HDLBP: variants seen among roughly 807,000 people sequenced by gnomAD.
The protein encoded by HDLBP is vigilin.
A neutral mutation model predicts 137.3 loss-of-function variants in HDLBP; 30 were observed. The ratio of observed to expected loss-of-function variants is 0.22; its 90% CI spans 0.16 to 0.30. The LOEUF (loss-of-function observed/expected upper bound fraction) is 0.30, where lower values mean the gene tolerates loss of function less well. HDLBP is among the 10% of genes least tolerant of loss of function. The pLI is 1.00. For synonymous variants in HDLBP, 606 were observed against 596.0 expected (o/e 1.02, Z -0.24); for missense variants, 1,119 against 1,667.3 (o/e 0.67, Z 5.73).
intron 1 of HDLBP, among the ~76,000 whole-genome samples, chr2:241,307,313 C>T (rs1388416298): frequency 6.6e-6 from 1 of 152,246 alleles, no homozygotes; most frequent in Admixed American, 6.5e-5. Context: ...GCTCACGCCA[C>T]TTGCTGACTG....
rs2074158778 is a variant in HDLBP at position 241,272,478 on chromosome 2, C to G, written c.-102-3937G>C. Reference sequence around the variant, plus strand: ...TGCAGCCAAGAGCGGCCCAGCGGCGCCACCGGACTTGAGAAAGTTTGTGCG... The same window carrying G: ...TGCAGCCAAGAGCGGCCCAGCGGCGGCACCGGACTTGAGAAAGTTTGTGCG... On this transcript the variant is annotated intron_variant, in intron 1 of 27. Coordinates refer to ENST00000310931, the MANE Select transcript of HDLBP (RefSeq NM_005336.6). This position sits in a 1 kb window ranked among gnomAD's most constrained non-coding sequence, Gnocchi z 5.6. 1 of 984,680 alleles carries G rather than the reference C, an allele frequency of 1.0e-6. No homozygotes were observed. The highest frequency in any genetic ancestry group is 6.2e-5 in the Admixed American group (1 of 16,214). 61.0% of individuals were successfully genotyped at this position (984,680 alleles called of 1,614,324 possible). A position where few individuals can be genotyped will look rare whatever the true frequency, so the allele number is the denominator to read the frequency against.
At chr2:241,273,138 C>T (rs1299209802) in intron 1 of HDLBP, 1 of 985,452 alleles carries the variant, frequency 1.0e-6, no homozygotes, top group East Asian at 1.1e-4. Flanking sequence ...CAGATGTCAC[C>T]AGTACCGCCC....
In HDLBP at chr2:241,239,180, G is replaced by A. The variant is rs1175122435; in HGVS notation, c.2611-393C>T. Among the ~76,000 whole-genome samples the A allele has an allele frequency of 6.6e-6, 1 of 152,206 alleles. No homozygotes were observed. The highest frequency in any genetic ancestry group is 1.5e-5 in the Non-Finnish European group (1 of 68,030). ...TCTAAAGACTGCTTCTAAAGACCAC[G>A]TCTTCTCATGACTTCCCATGGATTC... On this transcript the variant is annotated intron_variant, in intron 19 of 27. Coordinates refer to ENST00000310931, the MANE Select transcript of HDLBP (RefSeq NM_005336.6). This position sits in a 1 kb window ranked among gnomAD's most constrained non-coding sequence, Gnocchi z 4.6.
chr2:241,235,292 C>T (rs773445001), intron 22 of HDLBP, 37 bp from the exon 23 acceptor site: 6 of 1,613,806 alleles, frequency 3.7e-6, no homozygotes, highest in South Asian at 2.2e-5. Flanking sequence ...GTTCAGGACC[C>T]CAGAGAACAG....
intron 1 of HDLBP, among the ~76,000 whole-genome samples, chr2:241,277,255 A>T (rs965974676): frequency 6.6e-6 from 1 of 152,158 alleles, no homozygotes; most frequent in Non-Finnish European, 1.5e-5. Flanking sequence ...GAGGAAAAAA[A>T]TAAAATAAGC....
Position 241,247,931 on chromosome 2 carries a change from G to C in HDLBP, c.1731+72C>G, listed in dbSNP as rs2071804689. 5 of 1,046,332 alleles carry C rather than the reference G, an allele frequency of 4.8e-6. No individual in the cohort carries two copies. In the South Asian group the frequency reaches 6.7e-5, roughly 14 times the overall value. 64.8% of individuals were successfully genotyped at this position (1,046,332 alleles called of 1,614,324 possible). ...AGAGCAGGGGTCCTGTGGGGGTCAG[G>C]ACTTCTGACAGGACGCATGCCCCAC... On this transcript the variant is annotated intron_variant, in intron 14 of 27. Transcript: ENST00000310931.
chr2:241,239,331 T>G lies in HDLBP; in HGVS notation c.2610+271A>C, dbSNP rs1019446486. 2.0e-5 allele frequency among the ~76,000 whole-genome samples: 3 copies of G among 152,174 alleles called. No homozygotes were observed. The highest frequency in any genetic ancestry group is 1.9e-4 in the East Asian group (1 of 5,194). On this transcript the variant is annotated intron_variant, in intron 19 of 27. Coordinates refer to ENST00000310931, the MANE Select transcript of HDLBP (RefSeq NM_005336.6). The surrounding 1 kb of genome is among the most constrained non-coding windows in gnomAD (Gnocchi z 4.6). ...TGCATTTTCTTTCTTTCTCTTGCTTTCTTTCCTCTCTCTCTCTCCCCTCTC... is the reference window on the plus strand; with the variant it reads ...TGCATTTTCTTTCTTTCTCTTGCTTGCTTTCCTCTCTCTCTCTCCCCTCTC...
chr2:241,262,939 G>C lies in HDLBP; in HGVS notation c.235-13C>G, dbSNP rs758457471. 9.4e-6 allele frequency: 15 copies of C among 1,594,470 alleles called. No homozygotes were observed. In the South Asian group the frequency reaches 1.7e-4, roughly 18 times the overall value. On this transcript the variant is annotated splice_polypyrimidine_tract_variant and intron_variant, in intron 4 of 27. Coordinates refer to ENST00000310931, the MANE Select transcript of HDLBP (RefSeq NM_005336.6). ...GTACATGGAACACCTGCTCAAAAAA[G>C]ATCAAAAAAGGAAAGGTTAAGAGAT...
intron 14 of HDLBP, 88 bp downstream of exon 14, chr2:241,247,915 G>A: frequency 2.3e-6 from 2 of 882,816 alleles, no homozygotes; most frequent in Non-Finnish European, 3.8e-6. Flanking sequence ...CAGAGCAGGG[G>A]TCCTGTGGGG....
At chr2:241,285,694 T>G (rs1416512536) in intron 1 of HDLBP, among the ~76,000 whole-genome samples, 1 of 152,228 alleles carries the variant, frequency 6.6e-6, no homozygotes, top group Non-Finnish European at 1.5e-5. Flanking sequence ...CTATGGATAT[T>G]AAATTTACCA....
intron 24 of HDLBP, among the ~76,000 whole-genome samples, chr2:241,232,958 A>G (rs1226120738): frequency 6.6e-6 from 1 of 151,864 alleles, no homozygotes; most frequent in African/African-American, 2.4e-5. Context: ...TCAAAGATCC[A>G]AAAGGGAACA....
intron 1 of HDLBP, among the ~76,000 whole-genome samples, chr2:241,308,922 C>T (rs1391447887): frequency 6.6e-6 from 1 of 152,196 alleles, no homozygotes; most frequent in African/African-American, 2.4e-5. Flanking sequence ...CGGCTTCTTC[C>T]CTGACCTGCC....
chr2:241,297,380 C>A (rs1255432131), intron 1 of HDLBP, among the ~76,000 whole-genome samples: 3 of 152,118 alleles, frequency 2.0e-5, no homozygotes, highest in Non-Finnish European at 4.4e-5. Flanking sequence ...ACGGAGTTAT[C>A]CACTTGGAAA....
At chr2:241,262,966 A>C in intron 4 of HDLBP, 40 bp from the exon 5 acceptor site, 1 of 1,493,522 alleles carries the variant, frequency 6.7e-7, no homozygotes, top group Non-Finnish European at 9.3e-7. Flanking sequence ...TTAAGAGATT[A>C]AAAGAAGGCC....
intron 1 of HDLBP, among the ~76,000 whole-genome samples, chr2:241,300,333 C>T (rs1173353310): frequency 6.6e-6 from 1 of 152,170 alleles, no homozygotes; most frequent in East Asian, 1.9e-4. Flanking sequence ...AAAACTCAGA[C>T]ACTAGGCAAA....
chr2:241,306,557 C>T, intron 1 of HDLBP, among the ~76,000 whole-genome samples: 1 of 152,134 alleles, frequency 6.6e-6, no homozygotes, highest in Non-Finnish European at 1.5e-5. Context: ...CTGCGCCTGG[C>T]CTCAGCTTTC....
In HDLBP at chr2:241,229,504, T is replaced by A. The variant is rs1664803518; in HGVS notation, c.*97A>T. 2.3e-6 allele frequency: 2 copies of A among 880,236 alleles called. No homozygotes were observed. The highest frequency in any genetic ancestry group is 3.4e-5 in the African/African-American group (2 of 59,166). 54.5% of individuals were successfully genotyped at this position (880,236 alleles called of 1,614,324 possible). On this transcript the variant is annotated 3_prime_UTR_variant, in exon 28 of 28. Coordinates refer to ENST00000310931, the MANE Select transcript of HDLBP (RefSeq NM_005336.6). ...CGGGAAGGGGGAAGAGCGTCAACAA[T>A]TTACGGAGGGTCCAGCCGCTGGGTC... is the stretch of plus-strand genomic sequence containing the variant.
At chr2:241,283,506 G>C (rs905109645) in intron 1 of HDLBP, among the ~76,000 whole-genome samples, 1 of 148,502 alleles carries the variant, frequency 6.7e-6, no homozygotes, top group Admixed American at 6.8e-5. Flanking sequence ...ACAGAGTCTC[G>C]CTCTATGGCC....
At chr2:241,258,862 T>C (rs1232250671) in intron 5 of HDLBP, among the ~76,000 whole-genome samples, 2 of 152,136 alleles carry the variant, frequency 1.3e-5, no homozygotes, top group Non-Finnish European at 2.9e-5. Context: ...GGCTCTTGCA[T>C]ACTGCTGATG....
Sources: allele counts gnomAD v4.1 joint callset (sites outside exome capture counted in the v4.1 genomes callset), GRCh38; gene constraint gnomAD v4.1.1; non-coding constraint Gnocchi (gnomAD v3.1); transcripts MANE v1.5; gene names NCBI Gene and HGNC (gene_info 2026-07-23, HGNC 2026-07-21).